SPRY1: variants seen among roughly 807,000 people sequenced by gnomAD.
The protein encoded by SPRY1 is sprouty RTK signaling antagonist 1, also known as protein sprouty homolog 1.
In SPRY1, 20 loss-of-function variants were observed where a neutral mutation model predicts 22.6. That is an observed-to-expected ratio of 0.89 (90% CI 0.62 to 1.29). SPRY1 has a LOEUF of 1.29. Ranked by LOEUF, SPRY1 falls within the 50% of genes most tolerant of loss-of-function variation. The pLI is 0.00. For synonymous variants in SPRY1, 155 were observed against 144.7 expected, an observed-to-expected ratio of 1.07 and a Z score of -0.51; for missense variants, 446 against 387.7, an observed-to-expected ratio of 1.15 and a Z score of -1.26.
chr4:123,398,574 C>T (rs1046844384), intron 2 of SPRY1: 11 of 152,304 alleles, frequency 7.2e-5, no homozygotes, highest in African/African-American at 2.4e-4. Context: ...GCGGGGCTCG[C>T]TCGGCGCGGC....
intron 2 of SPRY1, chr4:123,400,501 C>A (rs1023731288): frequency 6.6e-6 from 1 of 152,154 alleles, no homozygotes; most frequent in African/African-American, 2.4e-5. Context: ...CAGAAACTTT[C>A]ATCTTTGGCA....
At position 123,402,695 on chromosome 4, in the gene SPRY1, T is replaced by G; in HGVS notation, c.*144T>G. ...CTGTTGCCAAGGTCTAACTCATGGA[T>G]TTTTCTCTTTCCTCATGGATGATCT... is the stretch of plus-strand genomic sequence containing the variant. On this transcript the variant is annotated 3_prime_UTR_variant, in exon 3 of 3. Transcript: ENST00000651917. 1.8e-6 allele frequency: 2 copies of G among 1,091,788 alleles called. No homozygotes were observed. The highest frequency in any genetic ancestry group is 1.7e-5 in the South Asian group (1 of 58,006). 67.6% of individuals were successfully genotyped at this position (1,091,788 alleles called of 1,614,324 possible). A position where few individuals can be genotyped will look rare whatever the true frequency, so the allele number is the denominator to read the frequency against.
intron 2 of SPRY1, among the ~76,000 whole-genome samples, chr4:123,400,832 TA>T (rs1163660609): frequency 6.6e-6 from 1 of 152,206 alleles, no homozygotes; most frequent in Non-Finnish European, 1.5e-5. Context: ...TGAGTACTGT[TA>T]TATATCATTC....
In SPRY1 at chr4:123,402,061, A is replaced by C; in HGVS notation, c.470A>C (p.Gln157Pro). Residue 157 changes from glutamine (Q) to proline (P), a missense_variant, in exon 3 of 3, where the codon CAG (glutamine) becomes CCG (proline). By Grantham distance (76) the Gln-to-Pro change is moderately conservative. Coordinates refer to ENST00000651917, the MANE Select transcript of SPRY1 (RefSeq NM_001258038.2). ...AGGTCTGAAAGGGCAATCCGGACCCAGCCCAAGCAACTGATTGTGGATGAC... is the reference window on the plus strand; with the variant it reads ...AGGTCTGAAAGGGCAATCCGGACCCCGCCCAAGCAACTGATTGTGGATGAC... ...GHRSERAIRT[Q>P]PKQLIVDDLK... 6.2e-7 allele frequency: 1 copy of C among 1,614,222 alleles called. No homozygotes were observed. Among genetic ancestry groups the C allele is most frequent in the South Asian group, 1.1e-5 (1 of 91,088 alleles).
In SPRY1 at chr4:123,402,577, G is replaced by A. The variant is rs548544234; in HGVS notation, c.*26G>A. The A allele has an allele frequency of 3.9e-6, 6 of 1,556,612 alleles. No homozygotes were observed. The South Asian group carries it at 7.2e-5, about 19-fold the overall frequency. ...TTTTTGGAGGTGGGTTGTACCTCCTGAACTTTTAGCTTTCAAGTTGTGGCT... is the reference window on the plus strand; with the variant it reads ...TTTTTGGAGGTGGGTTGTACCTCCTAAACTTTTAGCTTTCAAGTTGTGGCT... On this transcript the variant is annotated 3_prime_UTR_variant, in exon 3 of 3. Transcript: ENST00000651917.
Position 123,402,172 on chromosome 4 carries a change from C to T in SPRY1, c.581C>T (p.Ala194Val), listed in dbSNP as rs889670911. ...AAGTGCAAGTGTGGAGAATGCACTG[C>T]TCCCAGGACCCTACCATCCTGTTTG... ...CGKCKCGECTAPRTLPSCLAC... is the reference protein window; with the variant it reads ...CGKCKCGECTVPRTLPSCLAC... Residue 194 changes from alanine to valine, a missense_variant, in exon 3 of 3, where the codon GCT (alanine) becomes GTT (valine). By Grantham distance (64) the Ala-to-Val change is moderately conservative. Coordinates refer to ENST00000651917, the MANE Select transcript of SPRY1 (RefSeq NM_001258038.2). 1.6e-5 allele frequency: 26 copies of T among 1,614,094 alleles called. No individual in the cohort carries two copies. The highest frequency in any genetic ancestry group is 1.6e-4 in the Middle Eastern group (1 of 6,084).
chr4:123,397,358 G>GCTAGGAA (rs1417302138), intron 1 of SPRY1, among the ~76,000 whole-genome samples: 3 of 152,210 alleles, frequency 2.0e-5, no homozygotes, highest in Non-Finnish European at 4.4e-5. Context: ...GCGCAGAGGC[G>GCTAGGAA]TTGCTTGAAC....
chr4:123,401,464 G>T, intron 2 of SPRY1, 73 bp from the exon 3 acceptor site: 1 of 1,336,830 alleles, frequency 7.5e-7, no homozygotes, highest in Admixed American at 2.2e-5. Flanking sequence ...TGATTTGACA[G>T]GATTCCCCCC....
In SPRY1 at chr4:123,402,565, GT is replaced by G; in HGVS notation, c.*16del. On this transcript the variant is annotated 3_prime_UTR_variant, in exon 3 of 3. Transcript: ENST00000651917. The stretch of plus-strand genomic sequence containing the variant: ...AAACCATCATGATTTTTGGAGGTGG[GT>G]TGTACCTCCTGAACTTTTAGCTTTC... 6.3e-7 allele frequency: 1 copy of G among 1,580,962 alleles called. No homozygotes were observed. Among genetic ancestry groups the G allele is most frequent in the Non-Finnish European group, 8.6e-7 (1 of 1,161,954 alleles).
At chr4:123,399,409 G>A (rs1047858298) in intron 2 of SPRY1, 8 of 151,998 alleles carry the variant, frequency 5.3e-5, no homozygotes, top group African/African-American at 1.9e-4. Flanking sequence ...GCCCTCCTGA[G>A]CTCATGGTAA....
At chr4:123,401,205 A>G (rs1417738279) in intron 2 of SPRY1, among the ~76,000 whole-genome samples, 1 of 152,242 alleles carries the variant, frequency 6.6e-6, no homozygotes, top group Non-Finnish European at 1.5e-5. Flanking sequence ...GCTTATACTC[A>G]GTATTCCCTG....
Position 123,401,872 on chromosome 4 carries a change from C to T in SPRY1, c.281C>T (p.Thr94Ile), listed in dbSNP as rs542203833. 4 of 1,614,194 alleles carry T rather than the reference C, an allele frequency of 2.5e-6. No homozygotes were observed. The East Asian group carries it at 8.9e-5, about 36-fold the overall frequency. The change falls in exon 3 of 3, where the codon ACA (threonine) becomes ATA (isoleucine). Residue 94 changes from threonine (T) to isoleucine (I), a missense_variant. Coordinates refer to ENST00000651917, the MANE Select transcript of SPRY1 (RefSeq NM_001258038.2). ...NVNNNYEHRH[T>I]SHLGHAVLPS... ...AATAATAACTACGAGCACAGACACA[C>T]AAGCCACCTGGGACATGCAGTACTC...
At chr4:123,399,093 T>G (rs1725039034) in intron 2 of SPRY1, among the ~76,000 whole-genome samples, 1 of 151,404 alleles carries the variant, frequency 6.6e-6, no homozygotes, top group African/African-American at 2.4e-5. Flanking sequence ...AGTGGGGAAG[T>G]CGGCTGGGCG....
intron 2 of SPRY1, 59 bp from the exon 3 acceptor site, chr4:123,401,478 C>CAAA: frequency 1.7e-6 from 2 of 1,183,328 alleles, no homozygotes; most frequent in Non-Finnish European, 2.3e-6. Context: ...TCCCCCCCCC[C>CAAA]AAAAAAAATG....
intron 2 of SPRY1, chr4:123,399,576 G>T (rs1725063881): frequency 6.6e-6 from 1 of 152,348 alleles, no homozygotes; most frequent in Non-Finnish European, 1.5e-5. Context: ...GGCCGCCCCT[G>T]CGCTGGCTTC....
chr4:123,401,452 T>C, intron 2 of SPRY1, 85 bp from the exon 3 acceptor site: 1 of 1,233,426 alleles, frequency 8.1e-7, no homozygotes, highest in Non-Finnish European at 1.1e-6. Context: ...TTAGGCAATT[T>C]GTGATTTGAC....
chr4:123,402,712 GGAT>G lies in SPRY1; in HGVS notation c.*165_*167del, dbSNP rs1291981851. 49 of 935,942 alleles carry G rather than the reference GGAT, an allele frequency of 5.2e-5. No homozygotes were observed. The African/African-American group carries it at 7.8e-4, about 15-fold the overall frequency. The allele number at this position is 935,942 out of a possible 1,614,324, so 58.0% of individuals were successfully genotyped here. A position where few individuals can be genotyped will look rare whatever the true frequency, so the allele number is the denominator to read the frequency against. On this transcript the variant is annotated 3_prime_UTR_variant, in exon 3 of 3. Transcript: ENST00000651917. ...CTCATGGATTTTTCTCTTTCCTCAT[GGAT>G]GATCTTCAGCAAGAGTGGACTGGGA...
chr4:123,399,745 G>C (rs1715561241), intron 2 of SPRY1: 1 of 152,248 alleles, frequency 6.6e-6, no homozygotes, highest in African/African-American at 2.4e-5. Context: ...CAAAAAGTGT[G>C]TTGGAAATCC....
intron 2 of SPRY1, 46 bp from the exon 3 acceptor site, chr4:123,401,491 T>C: frequency 1.4e-6 from 2 of 1,434,952 alleles, no homozygotes; most frequent in South Asian, 1.4e-5. Context: ...AAAAAATGCT[T>C]CCTGTCATTT....
Sources: gnomAD v4.1 joint callset for allele counts (sites outside exome capture counted in the v4.1 genomes callset) on GRCh38, gnomAD v4.1.1 for gene constraint, MANE v1.5 for transcripts, NCBI Gene and HGNC (gene_info 2026-07-23, HGNC 2026-07-21) for gene names.